The following TAOK1 variants were observed in gnomAD, a reference collection of about 807,000 sequenced individuals.
The protein encoded by TAOK1 is TAO kinase 1.
A neutral mutation model predicts 138.3 loss-of-function variants in TAOK1; 21 were observed. That is an observed-to-expected ratio of 0.15 (90% CI 0.11 to 0.22). The LOEUF is 0.22. Among genes scored for constraint, TAOK1 ranks in the 10% least tolerant of loss-of-function variants. The pLI is 1.00. For synonymous variants in TAOK1, 361 were observed against 398.4 expected, an observed-to-expected ratio of 0.91 and a Z score of 1.12; for missense variants, 651 against 1,227.7, an observed-to-expected ratio of 0.53 and a Z score of 7.02.
intron 1 of TAOK1, among the ~76,000 whole-genome samples, chr17:29,411,834 G>A (rs1181477865): frequency 6.6e-6 from 1 of 152,056 alleles, no homozygotes; most frequent in East Asian, 1.9e-4. Context: ...AAAGTTTCCA[G>A]CATTCTTGAA....
chr17:29,522,625 G>C lies in TAOK1; in HGVS notation c.2148+106G>C, dbSNP rs150504378. On this transcript the variant is annotated intron_variant, in intron 17 of 19. Coordinates refer to ENST00000261716, the MANE Select transcript of TAOK1 (RefSeq NM_020791.4). ...GTCTAGTCATAAAGAAATTGACTAA[G>C]CTTCTTTTCATTTTTAGCATCTTTG... 87 of 1,459,326 alleles carry C rather than the reference G, an allele frequency of 6.0e-5. No homozygotes were observed. In the African/African-American group the frequency reaches 1.1e-3, roughly 19 times the overall value. 90.4% of individuals were successfully genotyped at this position (1,459,326 alleles called of 1,614,324 possible).
intron 11 of TAOK1, among the ~76,000 whole-genome samples, chr17:29,496,122 C>T (rs1230551834): frequency 3.3e-5 from 5 of 151,824 alleles, no homozygotes; most frequent in Non-Finnish European, 2.9e-5. Flanking sequence ...TATTTTGAGA[C>T]GGAGTTTTGC....
chr17:29,505,793 G>A (rs2031619542), intron 13 of TAOK1, among the ~76,000 whole-genome samples: 1 of 152,118 alleles, frequency 6.6e-6, no homozygotes, highest in Non-Finnish European at 1.5e-5. Context: ...AAATTAGCTG[G>A]GTATGGTGGT....
chr17:29,420,067 T>G (rs192156566), intron 1 of TAOK1, among the ~76,000 whole-genome samples: 221 of 151,034 alleles, frequency 1.5e-3, no homozygotes, highest in Middle Eastern at 3.4e-3. Flanking sequence ...TTTCTTGAGA[T>G]AGGGTCTCAC....
At chr17:29,391,984 A>G (rs1356267788) in intron 1 of TAOK1, among the ~76,000 whole-genome samples, 2 of 152,216 alleles carry the variant, frequency 1.3e-5, no homozygotes, top group African/African-American at 4.8e-5. Context: ...TGGGAGGCCA[A>G]GGCGGGCGGA....
intron 17 of TAOK1, 62 bp from the exon 18 acceptor site, chr17:29,530,345 C>T: frequency 7.1e-7 from 1 of 1,400,850 alleles, no homozygotes. Context: ...TGTATGTAAG[C>T]ATACCATATA....
chr17:29,421,903 CTATT>C (rs1489504703), intron 1 of TAOK1, among the ~76,000 whole-genome samples: 1 of 151,234 alleles, frequency 6.6e-6, no homozygotes, highest in Admixed American at 6.6e-5. Context: ...GTGCTATCCT[CTATT>C]TATCCTTTTT....
At chr17:29,440,906 C>T (rs1191488039) in intron 1 of TAOK1, among the ~76,000 whole-genome samples, 1 of 152,138 alleles carries the variant, frequency 6.6e-6, no homozygotes, top group Non-Finnish European at 1.5e-5. Flanking sequence ...AAGTGTGTTG[C>T]ATTTTATCAA....
chr17:29,533,822 G>GAGACCGTGGAAAGAGAGGGAGAGGA (rs2032174096), intron 18 of TAOK1, among the ~76,000 whole-genome samples: 1 of 144,056 alleles, frequency 6.9e-6, no homozygotes, highest in East Asian at 2.0e-4. Flanking sequence ...GCATCAGAGG[G>GAGACCGTGGAAAGAGAGGGAGAGGA]AGACCGTGGG....
At chr17:29,437,734 CTT>C (rs11447325) in intron 1 of TAOK1, among the ~76,000 whole-genome samples, 9 of 124,204 alleles carry the variant, frequency 7.2e-5, no homozygotes, top group Admixed American at 9.1e-5. Context: ...TTATATTCTT[CTT>C]TTTTTTTTTT....
rs2032422229 is a variant in TAOK1, at chr17:29,547,600, G to A, written c.*4578G>A. 1 of 152,012 alleles carries A rather than the reference G, an allele frequency of 6.6e-6. No homozygotes were observed. 9.4% of individuals were successfully genotyped at this position (152,012 alleles called of 1,614,324 possible). ...TAAGTGTGAATCTCCTATAATGATG[G>A]AAGAAGAGGTTCTCTTGTCTTAGAT... On this transcript the variant is annotated 3_prime_UTR_variant, in exon 20 of 20. Coordinates refer to ENST00000261716, the MANE Select transcript of TAOK1 (RefSeq NM_020791.4).
Position 29,480,372 on chromosome 17 carries a change from A to G in TAOK1, c.454A>G (p.Ile152Val), listed in dbSNP as rs753697188. The G allele has an allele frequency of 1.2e-6, 2 of 1,611,696 alleles. No individual in the cohort carries two copies. The highest frequency in any genetic ancestry group is 1.3e-5 in the African/African-American group (1 of 74,866). Reference protein sequence around the residue: ...LHSHTMIHRDIKAGNILLTEP... With the variant: ...LHSHTMIHRDVKAGNILLTEP... ...TTCTGTATTCCCTAAACCTAGAGAT[A>G]TCAAAGCAGGAAATATCCTTCTGAC... The change falls in exon 7 of 20, where the codon ATC becomes GTC. Residue 152 changes from isoleucine (I) to valine (V), a missense_variant. Around this residue, in one of 8 missense-constraint regions of TAOK1, gnomAD observed 116 missense variants for 213.9 expected, o/e 0.54. Coordinates refer to ENST00000261716, the MANE Select transcript of TAOK1 (RefSeq NM_020791.4).
At chr17:29,423,850 C>G (rs1267860996) in intron 1 of TAOK1, among the ~76,000 whole-genome samples, 3 of 151,922 alleles carry the variant, frequency 2.0e-5, no homozygotes, top group African/African-American at 7.3e-5. Context: ...GAGTTCGAGA[C>G]CAGCCTGCCC....
intron 1 of TAOK1, among the ~76,000 whole-genome samples, chr17:29,426,272 T>C (rs1291637410): frequency 6.6e-6 from 1 of 152,152 alleles, no homozygotes; most frequent in Non-Finnish European, 1.5e-5. Context: ...GGTGAAAAAA[T>C]GTGACCTGTG....
chr17:29,400,766 A>G (rs543626102), intron 1 of TAOK1, among the ~76,000 whole-genome samples: 2 of 152,264 alleles, frequency 1.3e-5, no homozygotes, highest in Non-Finnish European at 2.9e-5. Context: ...AGTGCTTTCA[A>G]ACTTTAGTTT....
intron 1 of TAOK1, among the ~76,000 whole-genome samples, chr17:29,400,651 A>G (rs180838216): frequency 4.6e-5 from 7 of 152,246 alleles, no homozygotes; most frequent in Admixed American, 3.9e-4. Flanking sequence ...GCCAGATAAG[A>G]CAGTATTTCA....
At chr17:29,484,949 T>C (rs2031139445) in intron 8 of TAOK1, among the ~76,000 whole-genome samples, 1 of 152,216 alleles carries the variant, frequency 6.6e-6, no homozygotes, top group Non-Finnish European at 1.5e-5. Context: ...ATAATATCCT[T>C]TTCTACTTTG....
intron 2 of TAOK1, among the ~76,000 whole-genome samples, chr17:29,464,822 CTTT>C (rs547368498): frequency 8.3e-5 from 11 of 132,036 alleles, no homozygotes; most frequent in Admixed American, 1.5e-4. Context: ...TAAGCTCTGT[CTTT>C]TTTTTTTTTT....
At chr17:29,490,662 A>C (rs2031279097) in intron 9 of TAOK1, among the ~76,000 whole-genome samples, 1 of 152,174 alleles carries the variant, frequency 6.6e-6, no homozygotes, top group Non-Finnish European at 1.5e-5. Context: ...TTTGACACTG[A>C]GTTTAGTGTT....
Sources: allele counts gnomAD v4.1 joint callset (sites outside exome capture counted in the v4.1 genomes callset), GRCh38; gene constraint gnomAD v4.1.1; regional missense constraint gnomAD v4.1.1; transcripts MANE v1.5; gene names NCBI Gene and HGNC (gene_info 2026-07-23, HGNC 2026-07-21).